The following NLRC5 variants were observed in gnomAD, a reference collection of about 807,000 sequenced individuals.
The protein encoded by NLRC5 is NLR family CARD domain containing 5.
In NLRC5, 114 loss-of-function variants were observed where a neutral mutation model predicts 206.9. The ratio of observed to expected loss-of-function variants is 0.55; its 90% CI spans 0.47 to 0.64. The LOEUF (loss-of-function observed/expected upper bound fraction) is 0.64, where lower values mean the gene tolerates loss of function less well. NLRC5 is among the 30% of genes least tolerant of loss of function. The pLI is 0.00. For missense variants in NLRC5, 2,008 were observed against 2,305.5 expected, an observed-to-expected ratio of 0.87 and a Z score of 2.64; for synonymous variants, 952 against 962.8, an observed-to-expected ratio of 0.99 and a Z score of 0.21.
intron 1 of NLRC5, chr16:57,013,435 T>G (rs1597147414): frequency 4.5e-6 from 3 of 661,324 alleles, no homozygotes; most frequent in Non-Finnish European, 8.3e-6. Flanking sequence ...AGTTCCAAAG[T>G]GTTTCTGATG....
chr16:57,081,999 A>T (rs2069206722), intron 48 of NLRC5, among the ~76,000 whole-genome samples: 1 of 152,260 alleles, frequency 6.6e-6, no homozygotes, highest in African/African-American at 2.4e-5. Flanking sequence ...TAGGTTGTGC[A>T]CTGCACAAGG....
chr16:57,010,904 A>T (rs1151264), intron 1 of NLRC5, among the ~76,000 whole-genome samples: 125,023 of 145,870 alleles, frequency 0.86, 52,981 homozygotes, highest in Non-Finnish European at 0.94. Context: ...GGCTTTTTTT[A>T]AAAAAAAATC....
chr16:57,056,170 G>A (rs368171104), intron 27 of NLRC5, among the ~76,000 whole-genome samples: 2 of 152,218 alleles, frequency 1.3e-5, no homozygotes, highest in South Asian at 4.1e-4. Flanking sequence ...CTGCTCAGAC[G>A]CATTGGGAAT....
intron 43 of NLRC5, 87 bp from the exon 44 acceptor site, chr16:57,078,963 T>A (rs1173771998): frequency 8.5e-6 from 10 of 1,176,948 alleles, no homozygotes; most frequent in Non-Finnish European, 1.3e-5. Flanking sequence ...GTCTACGGGC[T>A]GGCACTGCAG....
intron 13 of NLRC5, 87 bp downstream of exon 13, chr16:57,034,338 G>T (rs775792420): frequency 8.7e-6 from 8 of 915,310 alleles, no homozygotes; most frequent in Middle Eastern, 2.2e-4. Context: ...TGGGTGGTGT[G>T]GGGGAGGGGC....
Position 57,043,546 on chromosome 16 carries a change from G to A in NLRC5, c.3145G>A (p.Val1049Met), listed in dbSNP as rs200331885. 2.7e-5 allele frequency: 44 copies of A among 1,614,140 alleles called. No individual in the cohort carries two copies. The highest frequency in any genetic ancestry group is 3.3e-4 in the Middle Eastern group (2 of 6,062). ...LSENGLSLDA[V>M]LGLVRCFSTL... ...TGAGAACGGTTTGTCCCTGGATGCC[G>A]TGTTGGGTTTGGTTCGGTGCTTCTC... is the stretch of plus-strand genomic sequence containing the variant. The change falls in exon 20 of 49, where the codon GTG (valine) becomes ATG (methionine). Residue 1049 changes from valine to methionine, a missense_variant. By Grantham distance (21) the Val-to-Met change is conservative (BLOSUM62 1). Transcript: ENST00000688547.
intron 6 of NLRC5, among the ~76,000 whole-genome samples, chr16:57,027,646 TG>T (rs34339030): frequency 0.54 from 82,363 of 152,042 alleles, 22,784 homozygotes; most frequent in Middle Eastern, 0.65. Flanking sequence ...CCTCCCATTT[TG>T]CTCCATTATC....
At chr16:57,022,929 G>A (rs1181216127) in intron 4 of NLRC5, among the ~76,000 whole-genome samples, 1 of 152,238 alleles carries the variant, frequency 6.6e-6, no homozygotes, top group Non-Finnish European at 1.5e-5. Context: ...AACTGTCCAA[G>A]TCCCTGGTCC....
chr16:57,049,466 G>A (rs1008515081), intron 23 of NLRC5, among the ~76,000 whole-genome samples: 6 of 152,066 alleles, frequency 3.9e-5, no homozygotes, highest in African/African-American at 7.2e-5. Flanking sequence ...GGCCCGGCAC[G>A]GTGACTCACG....
intron 8 of NLRC5, 74 bp downstream of exon 8, chr16:57,028,459 C>T: frequency 8.6e-7 from 1 of 1,159,658 alleles, no homozygotes; most frequent in Admixed American, 1.7e-5. Flanking sequence ...CCCCTGGGGC[C>T]TGCATGTTCC....
At position 57,066,601 on chromosome 16, in the gene NLRC5, G is replaced by T. The variant is rs373374972; in HGVS notation, c.4309G>T (p.Ala1437Ser). ...EFPRQEENPEAVALRLAHCDL... is the reference protein window; with the variant it reads ...EFPRQEENPESVALRLAHCDL... ...TCCTCGCCAGGAAGAGAATCCAGAA[G>T]CTGTGGCACTCAGGTGGGACCCAGC... The change falls in exon 34 of 49, where the codon GCT (alanine) becomes TCT (serine). Residue 1437 changes from alanine (A) to serine (S), a missense_variant. Transcript: ENST00000688547. 2.5e-6 allele frequency: 4 copies of T among 1,613,878 alleles called. No individual in the cohort carries two copies. The highest frequency in any genetic ancestry group is 3.4e-6 in the Non-Finnish European group (4 of 1,179,994).
intron 12 of NLRC5, among the ~76,000 whole-genome samples, 184 bp from the exon 13 acceptor site, chr16:57,033,984 G>A (rs572203111): frequency 4.6e-5 from 7 of 152,308 alleles, no homozygotes; most frequent in African/African-American, 1.4e-4. Context: ...CCCTTTGAGG[G>A]AGGAGGAAAC....
chr16:57,077,963 G>T lies in NLRC5; in HGVS notation c.5024G>T (p.Gly1675Val). 1 of 1,613,170 alleles carries T rather than the reference G, an allele frequency of 6.2e-7. No individual in the cohort carries two copies. Residue 1675 changes from glycine (G) to valine (V), a missense_variant, in exon 43 of 49, where the codon GGG (glycine) becomes GTG (valine). Physicochemically the swap from Gly to Val is moderately radical, Grantham distance 109 (BLOSUM62 -3). Coordinates refer to ENST00000688547, the MANE Select transcript of NLRC5 (RefSeq NM_001384950.1). ...EELMLGCNALGDPTALGLAQE... is the reference protein window; with the variant it reads ...EELMLGCNALVDPTALGLAQE... ...TCCAGGCTTGGCTGCAATGCCCTGG[G>T]GGATCCCACAGCCCTGGGGCTGGCT...
intron 1 of NLRC5, among the ~76,000 whole-genome samples, chr16:57,001,722 C>T (rs1176327143): frequency 1.3e-5 from 2 of 152,090 alleles, no homozygotes; most frequent in African/African-American, 4.8e-5. Flanking sequence ...TTTCCATCAC[C>T]TCAAGCATTT....
At chr16:57,001,219 A>C (rs1323497714) in intron 1 of NLRC5, among the ~76,000 whole-genome samples, 1 of 152,116 alleles carries the variant, frequency 6.6e-6, no homozygotes, top group African/African-American at 2.4e-5. Context: ...GTCCACCTGG[A>C]CCTAAAGAAC....
In NLRC5 at chr16:57,047,544, GCC is replaced by G. The variant is rs2064164584; in HGVS notation, c.3339_3340del (p.Leu1114GlnfsTer2). The G allele has an allele frequency of 6.2e-7, 1 of 1,611,082 alleles. No individual in the cohort carries two copies. Among genetic ancestry groups the G allele is most frequent in the Non-Finnish European group, 8.5e-7 (1 of 1,178,908 alleles). ...CTGCCCTGCCCATTGCCCCTTTGCA[GCC>G]TCAGTGAGTGTCCTCTGGAGCCCCC... On this transcript the variant is annotated frameshift_variant and splice_region_variant, in exon 23 of 49. Coordinates refer to ENST00000688547, the MANE Select transcript of NLRC5 (RefSeq NM_001384950.1). LOFTEE classifies it high-confidence loss of function.
chr16:57,017,599 C>T (rs1470731599), intron 2 of NLRC5, among the ~76,000 whole-genome samples: 1 of 152,136 alleles, frequency 6.6e-6, no homozygotes, highest in Admixed American at 6.5e-5. Context: ...TGCTCCTCCA[C>T]ATCATCCTGT....
intron 1 of NLRC5, chr16:56,992,084 A>T (rs2056959364): frequency 6.6e-6 from 1 of 152,276 alleles, no homozygotes. Context: ...CGATGCATCT[A>T]GGAGCCACAG....
At chr16:57,018,525 C>T (rs1254518452) in intron 2 of NLRC5, among the ~76,000 whole-genome samples, 1 of 152,142 alleles carries the variant, frequency 6.6e-6, no homozygotes, top group Non-Finnish European at 1.5e-5. Context: ...GCTATTAGCC[C>T]AGTTGAGGAG....
Sources: allele counts gnomAD v4.1 joint callset (sites outside exome capture counted in the v4.1 genomes callset), GRCh38; gene constraint gnomAD v4.1.1; transcripts MANE v1.5; gene names NCBI Gene and HGNC (gene_info 2026-07-23, HGNC 2026-07-21).